Variants in DLGAP1 observed in about 807,000 individuals in gnomAD.
The protein encoded by DLGAP1 is DLG associated protein 1, also known as disks large-associated protein 1.
A neutral mutation model predicts 90.8 loss-of-function variants in DLGAP1; 11 were observed. That is an observed-to-expected ratio of 0.12 (90% CI 0.08 to 0.20). DLGAP1 has a LOEUF of 0.20. Among genes scored for constraint, DLGAP1 ranks in the 10% least tolerant of loss-of-function variants. The probability of loss-of-function intolerance (pLI) is 1.00; values close to 1 mark genes in which losing one functional copy is unlikely to be tolerated. For missense variants in DLGAP1, 1,050 were observed against 1,333.8 expected (o/e 0.79, Z 3.31); for synonymous variants, 558 against 540.7 (o/e 1.03, Z -0.44).
intron 1 of DLGAP1, among the ~76,000 whole-genome samples, chr18:4,260,830 A>C (rs1209262891): frequency 1.3e-5 from 2 of 152,218 alleles, no homozygotes; most frequent in Non-Finnish European, 2.9e-5. Flanking sequence ...ACTGGATAAT[A>C]CAAACAAATA....
intron 4 of DLGAP1, among the ~76,000 whole-genome samples, chr18:3,869,382 C>T (rs966082222): frequency 6.6e-6 from 1 of 152,078 alleles, no homozygotes; most frequent in African/African-American, 2.4e-5. Context: ...GGCAACATAG[C>T]GAAACCCCGT....
chr18:3,964,302 G>A (rs942481003), intron 3 of DLGAP1, among the ~76,000 whole-genome samples: 1 of 152,182 alleles, frequency 6.6e-6, no homozygotes, highest in Non-Finnish European at 1.5e-5. Context: ...AAAAGGCCCA[G>A]GAAAAAATTC....
At chr18:3,564,879 GA>G (rs1444201136) in intron 9 of DLGAP1, among the ~76,000 whole-genome samples, 7 of 152,220 alleles carry the variant, frequency 4.6e-5, no homozygotes, top group African/African-American at 1.7e-4. Flanking sequence ...TATACAAAGA[GA>G]TGTTGATTTT....
At chr18:3,810,885 A>G (rs1449488478) in intron 5 of DLGAP1, among the ~76,000 whole-genome samples, 2 of 151,940 alleles carry the variant, frequency 1.3e-5, no homozygotes, top group Non-Finnish European at 1.5e-5. Flanking sequence ...GGCTCACTGC[A>G]GCCTTGACTT....
chr18:4,225,053 A>G (rs1467044527), intron 1 of DLGAP1, among the ~76,000 whole-genome samples: 1 of 152,064 alleles, frequency 6.6e-6, no homozygotes, highest in Non-Finnish European at 1.5e-5. Flanking sequence ...GGAGAAAGTA[A>G]GGGAATAAAA....
chr18:3,966,256 C>T (rs1272159364), intron 3 of DLGAP1, among the ~76,000 whole-genome samples: 1 of 151,868 alleles, frequency 6.6e-6, no homozygotes, highest in Non-Finnish European at 1.5e-5. Flanking sequence ...TGGAGTTTCA[C>T]AGGGCTTGGT....
intron 4 of DLGAP1, among the ~76,000 whole-genome samples, chr18:3,849,879 G>C (rs1016391748): frequency 2.0e-5 from 3 of 152,206 alleles, no homozygotes; most frequent in Admixed American, 6.5e-5. Flanking sequence ...TGTGCTGAGA[G>C]GGTAATGACA....
At chr18:4,013,419 G>C (rs1226217521) in intron 2 of DLGAP1, among the ~76,000 whole-genome samples, 1 of 152,198 alleles carries the variant, frequency 6.6e-6, no homozygotes, top group African/African-American at 2.4e-5. Context: ...AATCCAGACA[G>C]TCTGACCCTA....
chr18:3,501,222 A>G (rs1319325848), intron 12 of DLGAP1, among the ~76,000 whole-genome samples: 2 of 106,184 alleles, frequency 1.9e-5, no homozygotes, highest in Non-Finnish European at 1.9e-5. Flanking sequence ...CCAGCCAACA[A>G]TGATTATTTA....
chr18:3,570,725 T>C (rs1185348223), intron 8 of DLGAP1, among the ~76,000 whole-genome samples: 1 of 151,638 alleles, frequency 6.6e-6, no homozygotes, highest in Non-Finnish European at 1.5e-5. Context: ...GCCCAAGAGT[T>C]AAAGACCAGC....
chr18:3,542,816 G>C (rs149577616), intron 9 of DLGAP1, among the ~76,000 whole-genome samples: 1 of 152,176 alleles, frequency 6.6e-6, no homozygotes, highest in Non-Finnish European at 1.5e-5. Context: ...AAACGTAGCC[G>C]AGTTGGAATG....
At chr18:3,714,887 T>C (rs2061713027) in intron 7 of DLGAP1, among the ~76,000 whole-genome samples, 1 of 152,140 alleles carries the variant, frequency 6.6e-6, no homozygotes, top group Non-Finnish European at 1.5e-5. Context: ...TTTGCCTGCC[T>C]CTGCTTCCCA....
chr18:4,412,229 G>T (rs370140585), intron 1 of DLGAP1, among the ~76,000 whole-genome samples: 32 of 152,148 alleles, frequency 2.1e-4, no homozygotes, highest in African/African-American at 7.7e-4. Flanking sequence ...GGGACTGTGA[G>T]ATTTGCAATA....
intron 2 of DLGAP1, among the ~76,000 whole-genome samples, chr18:4,150,370 T>G (rs2076655142): frequency 6.6e-6 from 1 of 151,884 alleles, no homozygotes; most frequent in African/African-American, 2.4e-5. Context: ...GACTCAAGGG[T>G]TTTCATTGCC....
chr18:3,696,168 C>T (rs112071279), intron 7 of DLGAP1, among the ~76,000 whole-genome samples: 16,611 of 152,224 alleles, frequency 0.11, 1,196 homozygotes, highest in Non-Finnish European at 0.15. Context: ...TTCCCCTCTT[C>T]CTATTTGAAT....
At chr18:3,774,947 G>A (rs2064871123) in intron 5 of DLGAP1, among the ~76,000 whole-genome samples, 1 of 152,104 alleles carries the variant, frequency 6.6e-6, no homozygotes, top group Non-Finnish European at 1.5e-5. Context: ...CCTGCCTACT[G>A]TCCCTTTCCT....
chr18:3,635,024 A>C (rs2058646540), intron 7 of DLGAP1, among the ~76,000 whole-genome samples: 1 of 152,218 alleles, frequency 6.6e-6, no homozygotes, highest in Admixed American at 6.5e-5. Flanking sequence ...TGTATAATAA[A>C]CATAGAAATC....
At chr18:3,995,601 C>T (rs1338151321) in intron 3 of DLGAP1, 2 of 151,948 alleles carry the variant, frequency 1.3e-5, no homozygotes, top group Admixed American at 1.3e-4. Context: ...TCTTTTCTTG[C>T]TATTAGACCC....
intron 4 of DLGAP1, among the ~76,000 whole-genome samples, chr18:3,877,017 T>C (rs1173003216): frequency 1.3e-5 from 2 of 152,216 alleles, no homozygotes; most frequent in Admixed American, 6.5e-5. Flanking sequence ...TCAAACATAC[T>C]TGAGCCTAAA....
Sources: gnomAD v4.1 joint callset for allele counts (sites outside exome capture counted in the v4.1 genomes callset) on GRCh38, gnomAD v4.1.1 for gene constraint, MANE v1.5 for transcripts, NCBI Gene and HGNC (gene_info 2026-07-23, HGNC 2026-07-21) for gene names.